Variants in KCND3 observed in about 807,000 individuals in gnomAD.
KCND3 encodes the protein potassium voltage-gated channel subfamily D member 3, also known as A-type voltage-gated potassium channel KCND3.
A neutral mutation model predicts 51.1 loss-of-function variants in KCND3; 9 were observed. The observed-to-expected ratio is 0.18, with a 90% CI of 0.11 to 0.31. The LOEUF (loss-of-function observed/expected upper bound fraction) is 0.31. KCND3 is among the 10% of genes least tolerant of loss of function. The pLI, the probability that KCND3 is intolerant of heterozygous loss-of-function variation, is 1.00. For synonymous variants in KCND3, 349 were observed against 368.0 expected (o/e 0.95, Z 0.59); for missense variants, 526 against 903.8 (o/e 0.58, Z 5.36).
intron 2 of KCND3, among the ~76,000 whole-genome samples, chr1:111,957,030 C>T (rs1348948301): frequency 6.6e-6 from 1 of 152,138 alleles, no homozygotes; most frequent in African/African-American, 2.4e-5. Context: ...AGAAGAAGGG[C>T]CTGGGGCCTG....
intron 2 of KCND3, among the ~76,000 whole-genome samples, chr1:111,849,048 C>A (rs1438959819): frequency 1.3e-5 from 2 of 152,174 alleles, no homozygotes; most frequent in Non-Finnish European, 2.9e-5. Flanking sequence ...GTAGCTCCCT[C>A]CTCCTCGAGG....
At chr1:111,976,686 G>A (rs191086857) in intron 2 of KCND3, among the ~76,000 whole-genome samples, 12 of 152,340 alleles carry the variant, frequency 7.9e-5, no homozygotes, top group Non-Finnish European at 1.6e-4. Context: ...GAGGAGGCAA[G>A]AGAAGTGTAC....
At chr1:111,836,409 A>G (rs1023492483) in intron 2 of KCND3, among the ~76,000 whole-genome samples, 3 of 152,206 alleles carry the variant, frequency 2.0e-5, no homozygotes, top group Admixed American at 6.5e-5. Flanking sequence ...CGACTTTACA[A>G]AGAATCTTCT....
Position 111,982,115 on chromosome 1 carries a change from C to T in KCND3, c.612G>A (p.Thr204=), listed in dbSNP as rs1035650248. ...AVSVITNVVE[T]VPCGTVPGSK... ...TGCCCGGGACCGTGCCGCACGGCAC[C>T]GTCTCCACCACGTTGGTGATGACCG... is the stretch of plus-strand genomic sequence containing the variant. Residue 204 remains threonine, a synonymous_variant, in exon 2 of 8, where the codon ACG becomes ACA. Coordinates refer to ENST00000302127, the MANE Select transcript of KCND3 (RefSeq NM_001378969.1). This position sits in a 1 kb window ranked among gnomAD's most constrained non-coding sequence, Gnocchi z 8.5. 2 of 1,613,778 alleles carry T rather than the reference C, an allele frequency of 1.2e-6. No homozygotes were observed. The highest frequency in any genetic ancestry group is 4.5e-5 in the East Asian group (2 of 44,776).
At chr1:111,853,759 T>C (rs1240453951) in intron 2 of KCND3, 1 of 152,224 alleles carries the variant, frequency 6.6e-6, no homozygotes, top group Non-Finnish European at 1.5e-5. Flanking sequence ...GCCCAGCACC[T>C]AGTAGGTGCT....
In KCND3 at chr1:111,775,819, A is replaced by AACCCCC; in HGVS notation, c.*257_*258insGGGGGT. On this transcript the variant is annotated 3_prime_UTR_variant, in exon 8 of 8. Transcript: ENST00000302127. The stretch of plus-strand genomic sequence containing the variant: ...GCCTATATCCCCCGGCCTATCCCCG[A>AACCCCC]CCCCCCCACCCTCCCTCCCTTCCTC... 5.6e-4 allele frequency: 55 copies of AACCCCC among 97,698 alleles called. 7 individuals are homozygous for AACCCCC. The highest frequency in any genetic ancestry group is 9.6e-4 in the South Asian group (5 of 5,200). 6.1% of individuals were successfully genotyped at this position (97,698 alleles called of 1,614,324 possible). A position where few individuals can be genotyped will look rare whatever the true frequency, so the allele number is the denominator to read the frequency against.
chr1:111,815,718 T>C (rs1452588279), intron 2 of KCND3, among the ~76,000 whole-genome samples: 1 of 151,980 alleles, frequency 6.6e-6, no homozygotes, highest in East Asian at 1.9e-4. Flanking sequence ...GAAGTCTCTT[T>C]TCCCCCGTTG....
rs1373788550 is a variant in KCND3, at chr1:111,982,628, G to A, written c.99C>T (p.Asp33=). Residue 33 remains aspartate, a synonymous_variant, in exon 2 of 8, where the codon GAC becomes GAT. Transcript: ENST00000302127. The surrounding 1 kb of genome is among the most constrained non-coding windows in gnomAD (Gnocchi z 8.5). ...TCAGCTCATCCTGCCGCTTGTTCTT[G>A]TCGGCCGGGGCCAGGGGCATGGGGC... The part of the protein sequence containing the change: ...ANCPMPLAPA[D]KNKRQDELIV... 1 of 1,613,872 alleles carries A rather than the reference G, an allele frequency of 6.2e-7. No homozygotes were observed. Among genetic ancestry groups the A allele is most frequent in the Non-Finnish European group, 8.5e-7 (1 of 1,179,908 alleles).
chr1:111,946,226 A>G (rs1672771879), intron 2 of KCND3, among the ~76,000 whole-genome samples: 1 of 152,236 alleles, frequency 6.6e-6, no homozygotes, highest in Non-Finnish European at 1.5e-5. Context: ...GTGACTCATA[A>G]TGTCCTGTGT....
intron 2 of KCND3, among the ~76,000 whole-genome samples, chr1:111,809,353 G>C (rs2101569351): frequency 6.6e-6 from 1 of 151,462 alleles, no homozygotes; most frequent in East Asian, 1.9e-4. Flanking sequence ...CTGTCCCCCA[G>C]GCTGGAGTTC....
chr1:111,908,026 C>T (rs1367868604), intron 2 of KCND3, among the ~76,000 whole-genome samples: 1 of 152,148 alleles, frequency 6.6e-6, no homozygotes, highest in African/African-American at 2.4e-5. Flanking sequence ...AGGACTATTC[C>T]CCACTGCAGA....
At chr1:111,875,334 A>G (rs1392643079) in intron 2 of KCND3, among the ~76,000 whole-genome samples, 2 of 152,232 alleles carry the variant, frequency 1.3e-5, no homozygotes, top group Non-Finnish European at 2.9e-5. Context: ...TAATTCTGGG[A>G]CTTACCGACT....
chr1:111,958,912 C>T (rs910013985), intron 2 of KCND3, among the ~76,000 whole-genome samples: 5 of 152,140 alleles, frequency 3.3e-5, no homozygotes, highest in African/African-American at 1.2e-4. Context: ...CTGCCGGAGG[C>T]CATATGCCAT....
intron 2 of KCND3, among the ~76,000 whole-genome samples, chr1:111,954,079 G>T (rs11102362): frequency 0.37 from 56,448 of 151,950 alleles, 10,703 homozygotes; most frequent in Admixed American, 0.42. Context: ...GCTGTGTCCC[G>T]CTCCCAAAGA....
chr1:111,799,297 G>A (rs1387892749), intron 2 of KCND3, among the ~76,000 whole-genome samples: 1 of 152,142 alleles, frequency 6.6e-6, no homozygotes, highest in African/African-American at 2.4e-5. Context: ...TACTAGAATT[G>A]ATAGATACGG....
intron 2 of KCND3, among the ~76,000 whole-genome samples, chr1:111,928,084 A>C (rs1022143174): frequency 6.7e-6 from 1 of 150,312 alleles, no homozygotes; most frequent in Non-Finnish European, 1.5e-5. Flanking sequence ...ACCACCACTG[A>C]CTTTTTAATT....
intron 2 of KCND3, among the ~76,000 whole-genome samples, chr1:111,920,691 T>C (rs1432042326): frequency 2.6e-5 from 4 of 152,140 alleles, no homozygotes; most frequent in Non-Finnish European, 5.9e-5. Context: ...CCACTCCACA[T>C]GCTCTGCGGG....
intron 2 of KCND3, among the ~76,000 whole-genome samples, chr1:111,925,002 C>T (rs17029071): frequency 0.074 from 11,255 of 152,252 alleles, 609 homozygotes; most frequent in East Asian, 0.3. Flanking sequence ...GTGGGCAACC[C>T]GACCTATCCA....
intron 2 of KCND3, among the ~76,000 whole-genome samples, chr1:111,824,042 G>C (rs1181981332): frequency 6.6e-6 from 1 of 151,732 alleles, no homozygotes; most frequent in East Asian, 1.9e-4. Context: ...AAAAGCTGAG[G>C]CTTGGGGAAA....
Sources: gnomAD v4.1 joint callset for allele counts (sites outside exome capture counted in the v4.1 genomes callset) on GRCh38, gnomAD v4.1.1 for gene constraint, Gnocchi (gnomAD v3.1) non-coding constraint, MANE v1.5 for transcripts, NCBI Gene and HGNC (gene_info 2026-07-23, HGNC 2026-07-21) for gene names.